The following DNAH6 variants were observed in gnomAD, a reference collection of about 807,000 sequenced individuals.
DNAH6 encodes dynein axonemal heavy chain 6.
Under a neutral mutation model 491.4 loss-of-function variants are expected in DNAH6, and 340 were observed. The ratio of observed to expected loss-of-function variants is 0.69; its 90% CI spans 0.63 to 0.76. DNAH6 has a LOEUF of 0.76. Ranked by LOEUF, DNAH6 falls within the 30% of genes least tolerant of loss-of-function variation. DNAH6 has a pLI of 0.00. For missense variants in DNAH6, 4,443 were observed against 4,972.2 expected, an observed-to-expected ratio of 0.89 and a Z score of 3.20; for synonymous variants, 1,603 against 1,686.1, an observed-to-expected ratio of 0.95 and a Z score of 1.21.
At chr2:84,463,992 A>G in the DNAH6 span, among the ~76,000 whole-genome samples, 1 of 152,146 alleles carries the variant, frequency 6.6e-6, no homozygotes. Context: ...GTGACCCCCC[A>G]TTCTACCAGA....
intron 11 of DNAH6, among the ~76,000 whole-genome samples, chr2:84,570,686 C>T (rs763217612): frequency 2.0e-5 from 3 of 152,254 alleles, no homozygotes; most frequent in East Asian, 1.9e-4. Context: ...CCCATTAGCA[C>T]TCTGTAAGAT....
intron 29 of DNAH6, among the ~76,000 whole-genome samples, chr2:84,627,217 G>T (rs1687964462): frequency 6.6e-6 from 1 of 152,168 alleles, no homozygotes; most frequent in Non-Finnish European, 1.5e-5. Context: ...CAAACTTCCA[G>T]GTGATTCTGA....
At chr2:84,576,369 T>C (rs1682449374) in intron 12 of DNAH6, among the ~76,000 whole-genome samples, 1 of 152,016 alleles carries the variant, frequency 6.6e-6, no homozygotes, top group South Asian at 2.1e-4. Flanking sequence ...TTATACTATA[T>C]CAAACTACCC....
At chr2:84,701,811 C>T (rs1695928272) in intron 49 of DNAH6, among the ~76,000 whole-genome samples, 1 of 152,176 alleles carries the variant, frequency 6.6e-6, no homozygotes, top group Non-Finnish European at 1.5e-5. Context: ...TTGAAGATTA[C>T]ATTTCAACAT....
At chr2:84,659,605 A>AT (rs1270104347) in intron 37 of DNAH6, among the ~76,000 whole-genome samples, 3 of 152,202 alleles carry the variant, frequency 2.0e-5, no homozygotes, top group Non-Finnish European at 4.4e-5. Flanking sequence ...TGGAAGGAGA[A>AT]AAATTAGAAT....
At chr2:84,765,718 A>G (rs1415035024) in intron 64 of DNAH6, among the ~76,000 whole-genome samples, 1 of 152,112 alleles carries the variant, frequency 6.6e-6, no homozygotes, top group African/African-American at 2.4e-5. Flanking sequence ...GAGAGTAGAA[A>G]TTAATGCAAA....
At chr2:84,666,200 G>C (rs904725164) in intron 37 of DNAH6, among the ~76,000 whole-genome samples, 1 of 152,144 alleles carries the variant, frequency 6.6e-6, no homozygotes, top group Non-Finnish European at 1.5e-5. Context: ...ACAAGACAGG[G>C]TTGCCCTCTC....
At chr2:84,673,164 G>A (rs1237758262) in intron 40 of DNAH6, among the ~76,000 whole-genome samples, 1 of 152,188 alleles carries the variant, frequency 6.6e-6, no homozygotes, top group African/African-American at 2.4e-5. Context: ...GGGAAAGGGA[G>A]CGTTTTACAC....
In DNAH6 at chr2:84,517,941, G is replaced by A; in HGVS notation, c.115G>A (p.Val39Met). 6.4e-7 allele frequency: 1 copy of A among 1,551,852 alleles called. No homozygotes were observed. Among genetic ancestry groups the A allele is most frequent in the East Asian group, 2.4e-5 (1 of 40,906 alleles). The change falls in exon 2 of 77, where the codon GTG (valine) becomes ATG (methionine). Residue 39 changes from valine (V) to methionine (M), a missense_variant. By Grantham distance (21) the Val-to-Met change is conservative (BLOSUM62 1). Coordinates refer to ENST00000389394, the MANE Select transcript of DNAH6 (RefSeq NM_001370.2). ...NIKAKQRVSY[V>M]TSTENESDTQ... ...AAAAGCCAAACAAAGAGTGAGTTAT[G>A]TGACATCCACAGAAAATGAATCTGA... is the stretch of plus-strand genomic sequence containing the variant.
At chr2:84,544,156 G>C in intron 4 of DNAH6, 77 bp from the exon 5 acceptor site, 1 of 754,362 alleles carries the variant, frequency 1.3e-6, no homozygotes, top group Non-Finnish European at 2.0e-6. Context: ...TATCTCTGTA[G>C]AATAAAAAAG....
At chr2:84,507,149 C>A in the DNAH6 span, among the ~76,000 whole-genome samples, 3 of 152,032 alleles carry the variant, frequency 2.0e-5, no homozygotes, top group Non-Finnish European at 4.4e-5. Flanking sequence ...CTATAAATTA[C>A]CTTGGGCAGT....
At chr2:84,717,174 C>G (rs970646807) in intron 58 of DNAH6, among the ~76,000 whole-genome samples, 9 of 152,148 alleles carry the variant, frequency 5.9e-5, no homozygotes, top group African/African-American at 1.9e-4. Flanking sequence ...CTGTAACTCA[C>G]CTCACAGACT....
intron 61 of DNAH6, among the ~76,000 whole-genome samples, chr2:84,728,992 C>A (rs1434779560): frequency 6.6e-6 from 1 of 152,148 alleles, no homozygotes; most frequent in African/African-American, 2.4e-5. Flanking sequence ...CCCAGTGTAT[C>A]ACTAGGAGGT....
chr2:84,778,004 T>C, intron 64 of DNAH6: 4 of 976,800 alleles, frequency 4.1e-6, no homozygotes, highest in Admixed American at 1.7e-5. Flanking sequence ...TACATTATAG[T>C]CTTTGCCAGA....
chr2:84,772,685 A>G (rs72836484), intron 64 of DNAH6, among the ~76,000 whole-genome samples: 3,737 of 152,238 alleles, frequency 0.025, 70 homozygotes, highest in Non-Finnish European at 0.037. Flanking sequence ...AGATAGTTCA[A>G]TGAAAACAGT....
chr2:84,525,740 T>C lies in DNAH6; in HGVS notation c.399+2T>C. On this transcript the variant is annotated splice_donor_variant, in intron 3 of 76. Transcript: ENST00000389394. LOFTEE classifies it high-confidence loss of function. ...CAAGATGCTGTGAAAAAAATGCAGGTATAATATTAAAATACTTAATTGATT... is the reference window on the plus strand; with the variant it reads ...CAAGATGCTGTGAAAAAAATGCAGGCATAATATTAAAATACTTAATTGATT... 6.5e-7 allele frequency: 1 copy of C among 1,534,328 alleles called. No individual in the cohort carries two copies. Among genetic ancestry groups the C allele is most frequent in the Non-Finnish European group, 8.8e-7 (1 of 1,140,090 alleles).
intron 64 of DNAH6, among the ~76,000 whole-genome samples, chr2:84,764,280 T>A (rs1468903797): frequency 6.6e-6 from 1 of 151,942 alleles, no homozygotes; most frequent in East Asian, 1.9e-4. Flanking sequence ...TTTCTGTGAA[T>A]CAGTAAGAAA....
chr2:84,723,460 T>C (rs1698355819), intron 60 of DNAH6, among the ~76,000 whole-genome samples: 1 of 152,192 alleles, frequency 6.6e-6, no homozygotes, highest in African/African-American at 2.4e-5. Context: ...CATGTTTGTT[T>C]TCCTTCATGC....
chr2:84,541,836 G>A (rs995430919), intron 4 of DNAH6, among the ~76,000 whole-genome samples: 4 of 152,006 alleles, frequency 2.6e-5, no homozygotes, highest in Non-Finnish European at 2.9e-5. Flanking sequence ...ATTGTGTATC[G>A]CAATCACCCA....
Sources: allele counts gnomAD v4.1 joint callset (sites outside exome capture counted in the v4.1 genomes callset), GRCh38; gene constraint gnomAD v4.1.1; transcripts MANE v1.5; gene names NCBI Gene and HGNC (gene_info 2026-07-23, HGNC 2026-07-21).